ITSN1: variants seen among roughly 807,000 people sequenced by gnomAD.
ITSN1 encodes intersectin 1.
A neutral mutation model predicts 239.8 loss-of-function variants in ITSN1; 58 were observed. That is an observed-to-expected ratio of 0.24 (90% CI 0.20 to 0.30). The LOEUF (loss-of-function observed/expected upper bound fraction) is 0.30. ITSN1 is among the 10% of genes least tolerant of loss of function. ITSN1 has a pLI of 1.00. For synonymous variants in ITSN1, 780 were observed against 770.8 expected (o/e 1.01, Z -0.20); for missense variants, 1,558 against 2,103.3 (o/e 0.74, Z 5.07).
intron 4 of ITSN1, among the ~76,000 whole-genome samples, chr21:33,732,610 T>G (rs1453167559): frequency 6.6e-6 from 1 of 152,168 alleles, no homozygotes; most frequent in Non-Finnish European, 1.5e-5. Context: ...TAAAAAAGAT[T>G]GGCCTAAATA....
intron 36 of ITSN1, 44 bp downstream of exon 36, chr21:33,883,715 G>A: frequency 6.2e-7 from 1 of 1,600,852 alleles, no homozygotes; most frequent in East Asian, 2.2e-5. Flanking sequence ...GGGCTCCACG[G>A]CTCTAGGACA....
intron 33 of ITSN1, among the ~76,000 whole-genome samples, chr21:33,867,961 C>T (rs369131756): frequency 1.3e-5 from 2 of 152,108 alleles, no homozygotes; most frequent in Non-Finnish European, 2.9e-5. Context: ...TGCAGACTTT[C>T]GCGGTGTTAC....
intron 29 of ITSN1, among the ~76,000 whole-genome samples, chr21:33,850,086 C>T (rs2075110502): frequency 1.3e-5 from 2 of 152,194 alleles, no homozygotes; most frequent in Admixed American, 1.3e-4. Flanking sequence ...CTTTCACTCT[C>T]TGAAATGTGC....
At chr21:33,721,400 G>T (rs563762251) in intron 3 of ITSN1, 130 bp downstream of exon 3, 2 of 625,732 alleles carry the variant, frequency 3.2e-6, no homozygotes, top group Admixed American at 2.8e-5. Context: ...CCCTAACCTT[G>T]TGCCTGTCCT....
intron 14 of ITSN1, among the ~76,000 whole-genome samples, chr21:33,780,264 T>G (rs561115330): frequency 1.3e-5 from 2 of 152,234 alleles, no homozygotes; most frequent in Non-Finnish European, 2.9e-5. Context: ...GATTGATGTT[T>G]AGACTGTTCA....
At chr21:33,724,217 G>T (rs1370254465) in intron 4 of ITSN1, among the ~76,000 whole-genome samples, 3 of 151,946 alleles carry the variant, frequency 2.0e-5, no homozygotes, top group Non-Finnish European at 4.4e-5. Context: ...CATATTGGCC[G>T]CCAGACTGTC....
At chr21:33,654,970 C>A (rs879442971) in intron 1 of ITSN1, among the ~76,000 whole-genome samples, 3 of 151,660 alleles carry the variant, frequency 2.0e-5, no homozygotes, top group Non-Finnish European at 4.4e-5. Flanking sequence ...ACTAAACATT[C>A]TTCTCATTCT....
chr21:33,648,096 C>G (rs970959954), intron 1 of ITSN1, among the ~76,000 whole-genome samples: 1 of 152,178 alleles, frequency 6.6e-6, no homozygotes, highest in African/African-American at 2.4e-5. Flanking sequence ...GTACCTTCCC[C>G]CATTTTATGG....
rs550741761 is a variant in ITSN1, at chr21:33,728,884, TC to T, written c.186-6154del. Among the ~76,000 whole-genome samples, 89 of 150,922 alleles carry T rather than the reference TC, an allele frequency of 5.9e-4. No individual in the cohort carries two copies. In the East Asian group the frequency reaches 0.015, roughly 26 times the overall value. On this transcript the variant is annotated intron_variant, in intron 4 of 39. Transcript: ENST00000381318. ...TCCAGATAGATGCCCAGCCCCCCAC[TC>T]CCCCCTGCCCCATAATTGGTTTTTG...
intron 10 of ITSN1, among the ~76,000 whole-genome samples, chr21:33,767,349 A>G (rs925700317): frequency 6.6e-6 from 1 of 152,148 alleles, no homozygotes; most frequent in African/African-American, 2.4e-5. Flanking sequence ...TGAGCTGCTG[A>G]TCTTCCCTTG....
At chr21:33,829,511 A>G (rs2074168371) in intron 26 of ITSN1, 113 bp from the exon 27 acceptor site, 3 of 1,118,136 alleles carry the variant, frequency 2.7e-6, no homozygotes, top group Non-Finnish European at 3.9e-6. Flanking sequence ...ATCCAGCTCA[A>G]TACATTGGTT....
chr21:33,780,033 T>C (rs1185584013), intron 14 of ITSN1, among the ~76,000 whole-genome samples: 1 of 152,168 alleles, frequency 6.6e-6, no homozygotes, highest in Non-Finnish European at 1.5e-5. Flanking sequence ...GGTTTCACCA[T>C]GTTGGCCAGC....
chr21:33,726,689 T>G (rs950956928), intron 4 of ITSN1, among the ~76,000 whole-genome samples: 1 of 151,994 alleles, frequency 6.6e-6, no homozygotes, highest in Admixed American at 6.6e-5. Context: ...GCCTGGCTAA[T>G]TTTTGTATTT....
At chr21:33,683,519 T>TG (rs1335103940) in intron 1 of ITSN1, among the ~76,000 whole-genome samples, 1 of 152,212 alleles carries the variant, frequency 6.6e-6, no homozygotes, top group Non-Finnish European at 1.5e-5. Context: ...CATGGAAACA[T>TG]GGCTGAGTCT....
At chr21:33,746,244 C>T (rs2067174866) in intron 5 of ITSN1, among the ~76,000 whole-genome samples, 1 of 152,128 alleles carries the variant, frequency 6.6e-6, no homozygotes, top group African/African-American at 2.4e-5. Context: ...AAAATCAGAG[C>T]CAGAGTAGCT....
In ITSN1 at chr21:33,750,263, C is replaced by T. The variant is rs757940900; in HGVS notation, c.467C>T (p.Pro156Leu). Residue 156 changes from proline (P) to leucine (L), a missense_variant, in exon 6 of 40, where the codon CCC (proline) becomes CTC (leucine). Transcript: ENST00000381318. ...LVSSVPTAAVPPLANGAPPVI... is the reference protein window; with the variant it reads ...LVSSVPTAAVLPLANGAPPVI... ...TCTTCTGTTCCCACAGCAGCTGTGC[C>T]CCCCCTGGCTAACGGGGCTCCCCCT... is the stretch of plus-strand genomic sequence containing the variant. 16 of 1,613,952 alleles carry T rather than the reference C, an allele frequency of 9.9e-6. No homozygotes were observed. Among genetic ancestry groups the T allele is most frequent in the South Asian group, 4.4e-5 (4 of 91,084 alleles).
intron 1 of ITSN1, among the ~76,000 whole-genome samples, chr21:33,706,303 G>A (rs1437451786): frequency 6.6e-6 from 1 of 152,136 alleles, no homozygotes; most frequent in South Asian, 2.1e-4. Context: ...ACAGGCATGA[G>A]CCACCAAGTT....
At chr21:33,848,491 G>A (rs2075053486) in intron 29 of ITSN1, among the ~76,000 whole-genome samples, 1 of 152,184 alleles carries the variant, frequency 6.6e-6, no homozygotes, top group African/African-American at 2.4e-5. Flanking sequence ...GCGCACCAGC[G>A]AGGAGGAAGA....
intron 31 of ITSN1, among the ~76,000 whole-genome samples, chr21:33,862,602 G>A (rs1488437377): frequency 6.6e-6 from 1 of 152,164 alleles, no homozygotes; most frequent in Non-Finnish European, 1.5e-5. Flanking sequence ...GAGATGGCGG[G>A]AGCAGGGCAG....
Sources: gnomAD v4.1 joint callset for allele counts (sites outside exome capture counted in the v4.1 genomes callset) on GRCh38, gnomAD v4.1.1 for gene constraint, MANE v1.5 for transcripts, NCBI Gene and HGNC (gene_info 2026-07-23, HGNC 2026-07-21) for gene names.